The following GPM6A variants were observed in gnomAD, a reference collection of about 807,000 sequenced individuals.
GPM6A encodes glycoprotein M6A.
A neutral mutation model predicts 32.1 loss-of-function variants in GPM6A; 7 were observed. The observed-to-expected ratio is 0.22, with a 90% CI of 0.12 to 0.41. GPM6A has a LOEUF of 0.41. Among genes scored for constraint, GPM6A ranks in the 10% least tolerant of loss-of-function variants. GPM6A has a pLI of 1.00. For missense variants in GPM6A, 235 were observed against 347.2 expected (o/e 0.68, Z 2.57); for synonymous variants, 130 against 123.4 (o/e 1.05, Z -0.35).
chr4:175,650,418 C>T (rs1334491911), intron 4 of GPM6A, among the ~76,000 whole-genome samples: 1 of 152,068 alleles, frequency 6.6e-6, no homozygotes, highest in South Asian at 2.1e-4. Context: ...AATTCTCCTG[C>T]CTCAGCCTCC....
intron 1 of GPM6A, among the ~76,000 whole-genome samples, chr4:175,957,971 C>A (rs915007160): frequency 1.3e-5 from 2 of 152,220 alleles, no homozygotes; most frequent in African/African-American, 4.8e-5. Context: ...TGGCTCACTG[C>A]AACCTCCACT....
chr4:175,851,054 G>C (rs1164117456), intron 1 of GPM6A, among the ~76,000 whole-genome samples: 1 of 152,016 alleles, frequency 6.6e-6, no homozygotes, highest in African/African-American at 2.4e-5. Flanking sequence ...CTGACACTTT[G>C]TTTTCTGAAG....
At chr4:175,835,882 A>G (rs1247461126) in intron 1 of GPM6A, among the ~76,000 whole-genome samples, 5 of 151,262 alleles carry the variant, frequency 3.3e-5, no homozygotes, top group Non-Finnish European at 7.4e-5. Flanking sequence ...AGGGGCTTTC[A>G]GAACATTTAC....
chr4:175,637,631 A>AG (rs1206929688), intron 6 of GPM6A, among the ~76,000 whole-genome samples: 30 of 17,968 alleles, frequency 1.7e-3, no homozygotes, highest in African/African-American at 4.2e-3. Flanking sequence ...TATATTATAT[A>AG]TATATTATAT....
At chr4:175,887,043 T>G (rs1370478277) in intron 1 of GPM6A, among the ~76,000 whole-genome samples, 1 of 151,936 alleles carries the variant, frequency 6.6e-6, no homozygotes, top group Non-Finnish European at 1.5e-5. Flanking sequence ...CACACAAAAG[T>G]CATTGTTATA....
intron 1 of GPM6A, among the ~76,000 whole-genome samples, chr4:175,718,573 G>A (rs1188187176): frequency 1.3e-5 from 2 of 152,004 alleles, no homozygotes; most frequent in East Asian, 1.9e-4. Context: ...CCGAGATTGC[G>A]CCACTGCACT....
chr4:175,928,004 G>T (rs1738903905), intron 1 of GPM6A, among the ~76,000 whole-genome samples: 1 of 152,048 alleles, frequency 6.6e-6, no homozygotes, highest in African/African-American at 2.4e-5. Flanking sequence ...AACTGGTTTT[G>T]GAGTTAGAGG....
chr4:175,872,985 C>A lies in GPM6A; in HGVS notation c.-22-60736G>T, dbSNP rs1327821943. 2.6e-5 allele frequency among the ~76,000 whole-genome samples: 4 copies of A among 152,010 alleles called. No homozygotes were observed. The East Asian group carries it at 5.8e-4, about 22-fold the overall frequency. On this transcript the variant is annotated intron_variant, in intron 1 of 7. Coordinates refer to the GPM6A transcript ENST00000280187. ...GAATTGTTCACTGGGCAAGTAGATA[C>A]CTGCTGATTTTATTTAAGGTATTTG...
intron 1 of GPM6A, among the ~76,000 whole-genome samples, chr4:175,749,741 T>A (rs763632335): frequency 1.3e-5 from 2 of 152,174 alleles, no homozygotes; most frequent in Non-Finnish European, 2.9e-5. Flanking sequence ...TCACCCTTAC[T>A]TTTTTATATT....
chr4:175,727,192 A>G (rs1731204200), intron 1 of GPM6A, among the ~76,000 whole-genome samples: 3 of 152,216 alleles, frequency 2.0e-5, no homozygotes, highest in Admixed American at 2.0e-4. Flanking sequence ...AAAAGATAAC[A>G]TGTTTGAAAT....
chr4:175,863,445 T>C (rs1269056895), intron 1 of GPM6A, among the ~76,000 whole-genome samples: 1 of 152,174 alleles, frequency 6.6e-6, no homozygotes, highest in Non-Finnish European at 1.5e-5. Context: ...AGTATTCCAT[T>C]GAACTAATAC....
intron 1 of GPM6A, among the ~76,000 whole-genome samples, chr4:175,853,235 A>C (rs1360879286): frequency 6.6e-6 from 1 of 152,124 alleles, no homozygotes; most frequent in East Asian, 1.9e-4. Flanking sequence ...ACTAATACAT[A>C]TTTAGAGTGA....
intron 1 of GPM6A, among the ~76,000 whole-genome samples, chr4:175,878,946 T>A (rs1463136987): frequency 2.6e-5 from 4 of 152,214 alleles, no homozygotes; most frequent in East Asian, 3.9e-4. Context: ...ACCCCTTGAA[T>A]GCTTTGCTGC....
intron 2 of GPM6A, among the ~76,000 whole-genome samples, chr4:175,681,943 A>G (rs751729495): frequency 4.6e-5 from 7 of 152,228 alleles, no homozygotes; most frequent in African/African-American, 1.2e-4. Flanking sequence ...ATTGGGTAGC[A>G]GGCAGAGGTT....
chr4:175,897,482 C>A (rs1257867206), intron 1 of GPM6A, among the ~76,000 whole-genome samples: 1 of 152,124 alleles, frequency 6.6e-6, no homozygotes, highest in Non-Finnish European at 1.5e-5. Context: ...GAGGAATGGA[C>A]CTTCCTTCAT....
chr4:175,776,213 A>C (rs1480962827), intron 1 of GPM6A, among the ~76,000 whole-genome samples: 2 of 152,190 alleles, frequency 1.3e-5, no homozygotes, highest in Admixed American at 1.3e-4. Context: ...TCAATTCAAT[A>C]TTATACTGAG....
chr4:175,826,929 G>A (rs1469668619), intron 1 of GPM6A, among the ~76,000 whole-genome samples: 1 of 152,106 alleles, frequency 6.6e-6, no homozygotes, highest in East Asian at 1.9e-4. Context: ...CACGACTTCA[G>A]GCGAAGATGT....
chr4:175,816,943 T>C (rs943795596), upstream of GPM6A, among the ~76,000 whole-genome samples: 4 of 151,986 alleles, frequency 2.6e-5, no homozygotes, highest in Non-Finnish European at 4.4e-5. Context: ...CACTGCAAGC[T>C]CCGCCTCCCG....
intron 2 of GPM6A, among the ~76,000 whole-genome samples, chr4:175,680,932 G>A (rs1353231991): frequency 6.6e-6 from 1 of 152,152 alleles, no homozygotes; most frequent in Non-Finnish European, 1.5e-5. Flanking sequence ...AATTCATAGA[G>A]ATTGTTCTCA....
Sources: gnomAD v4.1 joint callset for allele counts (sites outside exome capture counted in the v4.1 genomes callset) on GRCh38, gnomAD v4.1.1 for gene constraint, MANE v1.5 for transcripts, NCBI Gene and HGNC (gene_info 2026-07-23, HGNC 2026-07-21) for gene names.